The following AGTPBP1 variants were observed in gnomAD, a reference collection of about 807,000 sequenced individuals.
AGTPBP1 encodes cytosolic carboxypeptidase 1.
A neutral mutation model predicts 143.9 loss-of-function variants in AGTPBP1; 70 were observed. The ratio of observed to expected loss-of-function variants is 0.49; its 90% CI spans 0.40 to 0.59. The LOEUF (loss-of-function observed/expected upper bound fraction) is 0.59, where lower values mean the gene tolerates loss of function less well. Among genes scored for constraint, AGTPBP1 ranks in the 20% least tolerant of loss-of-function variants. The pLI, the probability that AGTPBP1 is intolerant of heterozygous loss-of-function variation, is 0.00. For synonymous variants in AGTPBP1, 463 were observed against 500.2 expected (o/e 0.93, Z 0.99); for missense variants, 1,229 against 1,464.5 (o/e 0.84, Z 2.62).
chr9:85,622,872 A>G (rs1831027991), intron 14 of AGTPBP1, among the ~76,000 whole-genome samples: 2 of 152,370 alleles, frequency 1.3e-5, no homozygotes, highest in East Asian at 3.8e-4. Flanking sequence ...GTGGTCAAGT[A>G]TGGGTGAATG....
chr9:85,646,786 C>G (rs964978397), intron 11 of AGTPBP1, among the ~76,000 whole-genome samples: 1 of 152,236 alleles, frequency 6.6e-6, no homozygotes, highest in East Asian at 1.9e-4. Context: ...CAGTCATGTG[C>G]CACATACTGT....
At chr9:85,703,875 G>A (rs1372748204) in intron 2 of AGTPBP1, among the ~76,000 whole-genome samples, 1 of 152,196 alleles carries the variant, frequency 6.6e-6, no homozygotes, top group African/African-American at 2.4e-5. Context: ...CCATAAGTAG[G>A]TTTAGAAGCA....
At chr9:85,635,627 T>C (rs1390689474) in intron 13 of AGTPBP1, among the ~76,000 whole-genome samples, 1 of 152,134 alleles carries the variant, frequency 6.6e-6, no homozygotes, top group Non-Finnish European at 1.5e-5. Flanking sequence ...CCCTATGTGA[T>C]AAGCTAAAGA....
chr9:85,558,406 G>C (rs1564007875), intron 25 of AGTPBP1, among the ~76,000 whole-genome samples: 1 of 152,108 alleles, frequency 6.6e-6, no homozygotes, highest in Non-Finnish European at 1.5e-5. Context: ...GGTGATTGAT[G>C]GCTGCACACC....
chr9:85,548,755 A>C (rs1825875283), intron 25 of AGTPBP1, among the ~76,000 whole-genome samples: 2 of 150,958 alleles, frequency 1.3e-5, no homozygotes, highest in South Asian at 2.1e-4. Context: ...GACACACTGC[A>C]ACCTCTGCCT....
chr9:85,560,810 T>A (rs1209050086), intron 25 of AGTPBP1, among the ~76,000 whole-genome samples: 1 of 152,144 alleles, frequency 6.6e-6, no homozygotes, highest in African/African-American at 2.4e-5. Flanking sequence ...GATAGAAATT[T>A]ATTCATAAGA....
chr9:85,773,806 A>G, the AGTPBP1 span: 15 of 1,207,416 alleles, frequency 1.2e-5, no homozygotes, highest in Non-Finnish European at 1.6e-5. Context: ...TATCTAAGAC[A>G]CACTTAACAG....
intron 25 of AGTPBP1, among the ~76,000 whole-genome samples, chr9:85,553,626 G>A (rs560336413): frequency 6.6e-6 from 1 of 152,278 alleles, no homozygotes; most frequent in South Asian, 2.1e-4. Flanking sequence ...AGCTGGCTTT[G>A]GGAAGCAGCA....
intron 23 of AGTPBP1, among the ~76,000 whole-genome samples, chr9:85,583,297 A>G (rs1437033557): frequency 6.6e-6 from 1 of 152,202 alleles, no homozygotes; most frequent in Non-Finnish European, 1.5e-5. Flanking sequence ...AATAGGAACT[A>G]ATATGATTAT....
chr9:85,669,014 T>TACAC (rs139321417), intron 8 of AGTPBP1, among the ~76,000 whole-genome samples: 3,748 of 120,500 alleles, frequency 0.031, 72 homozygotes, highest in Middle Eastern at 0.082. Flanking sequence ...TGTGTATACA[T>TACAC]ACACACACAC....
chr9:85,655,017 T>C, intron 11 of AGTPBP1, 126 bp downstream of exon 11: 1 of 826,226 alleles, frequency 1.2e-6, no homozygotes, highest in Non-Finnish European at 1.8e-6. Context: ...TAAAATAAAA[T>C]GTGAATGTTT....
chr9:85,751,065 G>A, the AGTPBP1 span, among the ~76,000 whole-genome samples: 4 of 152,172 alleles, frequency 2.6e-5, no homozygotes, highest in Non-Finnish European at 4.4e-5. Flanking sequence ...TGGGGCTTCT[G>A]CACTGCAGTC....
At chr9:85,621,097 A>T (rs1471721850) in intron 15 of AGTPBP1, 105 bp downstream of exon 15, 7 of 543,766 alleles carry the variant, frequency 1.3e-5, no homozygotes, top group African/African-American at 2.0e-5. Flanking sequence ...TTATTATTTT[A>T]AAAACTACCA....
intron 2 of AGTPBP1, among the ~76,000 whole-genome samples, chr9:85,708,273 C>G (rs1837146102): frequency 2.6e-5 from 4 of 152,028 alleles, no homozygotes; most frequent in African/African-American, 7.2e-5. Context: ...TAATAAAGAC[C>G]CTTATGATTA....
chr9:85,557,222 C>G (rs1455433077), intron 25 of AGTPBP1, among the ~76,000 whole-genome samples: 2 of 152,124 alleles, frequency 1.3e-5, no homozygotes, highest in Non-Finnish European at 1.5e-5. Context: ...CTATCTACAT[C>G]TCAATTATAA....
Position 85,737,312 on chromosome 9 carries a change from C to T in AGTPBP1, c.-34+4463G>A, listed in dbSNP as rs1348341248. 2.0e-5 allele frequency among the ~76,000 whole-genome samples: 3 copies of T among 152,096 alleles called. No individual in the cohort carries two copies. In the East Asian group the frequency reaches 5.8e-4, roughly 29 times the overall value. The stretch of plus-strand genomic sequence containing the variant: ...TAACTGAATTGACAGCTTGAACTAG[C>T]CTCTTTTTTAATGAAAGTGACTGAA... On this transcript the variant is annotated intron_variant, in intron 1 of 25. Transcript: ENST00000357081.
In AGTPBP1 at chr9:85,656,107, A is replaced by G. The variant is rs377441344; in HGVS notation, c.910-787T>C. 4.1e-4 allele frequency among the ~76,000 whole-genome samples: 63 copies of G among 152,146 alleles called. No individual in the cohort carries two copies. In the East Asian group the frequency reaches 5.8e-3, roughly 14 times the overall value. ...CTCCCAAAGTGCTGGGATTACAGGCATGAGCCACTGCGCCTGGCCCACAAT... is the reference window on the plus strand; with the variant it reads ...CTCCCAAAGTGCTGGGATTACAGGCGTGAGCCACTGCGCCTGGCCCACAAT... On this transcript the variant is annotated intron_variant, in intron 10 of 25. Coordinates refer to ENST00000357081, the MANE Select transcript of AGTPBP1 (RefSeq NM_001330701.2).
Position 85,633,791 on chromosome 9 carries a change from A to G in AGTPBP1, c.1303-417T>C, listed in dbSNP as rs892712946. 7.2e-5 allele frequency among the ~76,000 whole-genome samples: 11 copies of G among 152,024 alleles called. No homozygotes were observed. The East Asian group carries it at 2.1e-3, about 29-fold the overall frequency. ...ACAACTCTTCCCTTTTGTAGCTGAC[A>G]TTTGTATAGGGGTAGAAAAGAGGAC... On this transcript the variant is annotated intron_variant, in intron 13 of 25. Transcript: ENST00000357081.
rs780078618 is a variant in AGTPBP1 at position 85,741,909 on chromosome 9, G to GGCGGCGGCGGCAGCT, written c.-183_-169dup. ...CCCCGGTGGCAGGCGAGGCGGAGGCGGCGGCGGCGGCAGCTGCGGCGGCGG... is the reference window on the plus strand; with the variant it reads ...CCCCGGTGGCAGGCGAGGCGGAGGCGGCGGCGGCGGCAGCTGCGGCGGCGGCAGCTGCGGCGGCGG... On this transcript the variant is annotated 5_prime_UTR_variant, in exon 1 of 26. Coordinates refer to ENST00000357081, the MANE Select transcript of AGTPBP1 (RefSeq NM_001330701.2). 1.0e-4 allele frequency: 134 copies of GGCGGCGGCGGCAGCT among 1,317,022 alleles called. No homozygotes were observed. The highest frequency in any genetic ancestry group is 1.6e-4 in the Admixed American group (4 of 25,298). 81.6% of individuals were successfully genotyped at this position (1,317,022 alleles called of 1,614,324 possible). A position where few individuals can be genotyped will look rare whatever the true frequency, so the allele number is the denominator to read the frequency against.
Sources: gnomAD v4.1 joint callset for allele counts (sites outside exome capture counted in the v4.1 genomes callset) on GRCh38, gnomAD v4.1.1 for gene constraint, MANE v1.5 for transcripts, NCBI Gene and HGNC (gene_info 2026-07-23, HGNC 2026-07-21) for gene names.